Variants in INTS6L observed in about 807,000 individuals in gnomAD.
The protein encoded by INTS6L is integrator complex subunit 6 like.
A neutral mutation model predicts 64.7 loss-of-function variants in INTS6L; 18 were observed. The observed-to-expected ratio is 0.28, with a 90% confidence interval of 0.19 to 0.41. The LOEUF is 0.41. INTS6L is among the 10% of genes least tolerant of loss of function. INTS6L has a pLI of 1.00. For synonymous variants in INTS6L, 227 were observed against 235.9 expected, an observed-to-expected ratio of 0.96 and a Z score of 0.34; for missense variants, 533 against 661.0, an observed-to-expected ratio of 0.81 and a Z score of 2.12.
chrX:135,556,424 T>C, intron 9 of INTS6L, 124 bp downstream of exon 9: 1 of 636,876 alleles, frequency 1.6e-6, no homozygotes, highest in Non-Finnish European at 2.2e-6. Context: ...AGAATTTGCA[T>C]ACTGTTTTCT....
At chrX:135,569,512 T>G in intron 10 of INTS6L, 81 bp downstream of exon 10, 1 of 566,979 alleles carries the variant, frequency 1.8e-6, no homozygotes, top group Non-Finnish European at 2.6e-6. Flanking sequence ...CAAAAGCTTT[T>G]ACTGTTGCAA....
At chrX:135,577,837 G>A (rs2087270676) in intron 15 of INTS6L, among the ~76,000 whole-genome samples, 1 of 111,816 alleles carries the variant, frequency 8.9e-6, no homozygotes, top group Admixed American at 9.4e-5. Context: ...GACTGGATCT[G>A]CACTTGCTCT....
At chrX:135,533,748 C>T (rs1042971339) in intron 2 of INTS6L, among the ~76,000 whole-genome samples, 1 of 112,161 alleles carries the variant, frequency 8.9e-6, no homozygotes, top group Non-Finnish European at 1.9e-5. Context: ...AGTCTCACTC[C>T]TGTCCATGTA....
chrX:135,538,613 G>A (rs1271164169), intron 2 of INTS6L, among the ~76,000 whole-genome samples: 1 of 112,434 alleles, frequency 8.9e-6, no homozygotes, highest in Non-Finnish European at 1.9e-5. Context: ...ATCATTCCCA[G>A]AAGGTTTTCA....
chrX:135,532,234 T>A (rs1476352701), intron 2 of INTS6L, among the ~76,000 whole-genome samples: 4 of 112,146 alleles, frequency 3.6e-5, no homozygotes, highest in Non-Finnish European at 7.5e-5. Context: ...ATCTAGCCTT[T>A]AATATAGCCA....
At chrX:135,522,749 C>T (rs1191137642) in intron 2 of INTS6L, among the ~76,000 whole-genome samples, 1 of 111,951 alleles carries the variant, frequency 8.9e-6, no homozygotes, top group Non-Finnish European at 1.9e-5. Flanking sequence ...CTCGTAGCTT[C>T]GGTTAACTGT....
chrX:135,539,617 G>C (rs1458779381), intron 2 of INTS6L, among the ~76,000 whole-genome samples: 1 of 112,405 alleles, frequency 8.9e-6, no homozygotes, highest in East Asian at 2.8e-4. Context: ...ACTGGTGCAA[G>C]AGGCCTAGCT....
Position 135,521,030 on chromosome X carries a change from C to G in INTS6L, c.38C>G (p.Ser13Cys). 8.3e-7 allele frequency: 1 copy of G among 1,211,569 alleles called. No homozygotes were observed. The highest frequency in any genetic ancestry group is 1.8e-5 in the South Asian group (1 of 56,980). Residue 13 changes from serine to cysteine, a missense_variant, in exon 1 of 18, where the codon TCT becomes TGT. Transcript: ENST00000639893. ...ILLFLIDTSA[S>C]MNQRTDLGTS... Reference sequence around the variant, plus strand: ...CTGTTCCTCATAGACACGTCCGCCTCTATGAACCAGCGCACTGACCTGGGC... The same window carrying G: ...CTGTTCCTCATAGACACGTCCGCCTGTATGAACCAGCGCACTGACCTGGGC...
intron 2 of INTS6L, among the ~76,000 whole-genome samples, chrX:135,534,416 A>G (rs781925074): frequency 4.5e-5 from 5 of 110,451 alleles, no homozygotes; most frequent in Non-Finnish European, 9.5e-5. Context: ...GGGGGAGGTC[A>G]ATTTCTTAAT....
intron 7 of INTS6L, among the ~76,000 whole-genome samples, chrX:135,550,140 C>T (rs1448377289): frequency 3.6e-5 from 4 of 112,333 alleles, no homozygotes; most frequent in Admixed American, 1.9e-4. Flanking sequence ...GCAAACACAA[C>T]GTCTAAAATG....
intron 10 of INTS6L, chrX:135,570,133 G>T (rs1349080025): frequency 1.2e-5 from 2 of 171,169 alleles, no homozygotes; most frequent in Non-Finnish European, 2.2e-5. Flanking sequence ...CAGTAATGGG[G>T]CAAACAATAA....
In INTS6L at chrX:135,573,032, A is replaced by G. The variant is rs1456433208; in HGVS notation, c.1616A>G (p.Lys539Arg). ...GGCTTCCAAATTGGGCTCTTAAACA[A>G]GGTAAATTGTGACATAAATAGTTTG... ...FAGFQIGLLNKDLKPQTYRNA... is the reference protein window; with the variant it reads ...FAGFQIGLLNRDLKPQTYRNA... Residue 539 changes from lysine to arginine, a missense_variant and splice_region_variant, in exon 12 of 18, where the codon AAG (lysine) becomes AGG (arginine). Coordinates refer to ENST00000639893, the MANE Select transcript of INTS6L (RefSeq NM_001351601.3). The G allele has an allele frequency of 8.4e-7, 1 of 1,189,261 alleles. No individual in the cohort carries two copies. The highest frequency in any genetic ancestry group is 1.8e-5 in the African/African-American group (1 of 56,698).
At chrX:135,530,390 C>A (rs903148314) in intron 2 of INTS6L, among the ~76,000 whole-genome samples, 3 of 111,367 alleles carry the variant, frequency 2.7e-5, no homozygotes, top group African/African-American at 9.8e-5. Context: ...AACTGGTGGC[C>A]TAGGCTGAGG....
chrX:135,545,645 T>G, intron 3 of INTS6L, 73 bp downstream of exon 3: 1 of 1,012,754 alleles, frequency 9.9e-7, no homozygotes. Flanking sequence ...TTGGGCATGA[T>G]TACTAAGTTT....
intron 2 of INTS6L, among the ~76,000 whole-genome samples, chrX:135,530,010 CCA>C (rs2085861969): frequency 8.9e-6 from 1 of 111,826 alleles, no homozygotes; most frequent in Non-Finnish European, 1.9e-5. Context: ...CAGTGATTAA[CCA>C]CTTCACTTCT....
intron 14 of INTS6L, 108 bp from the exon 15 acceptor site, chrX:135,577,085 C>T (rs2087249921): frequency 5.6e-6 from 4 of 708,584 alleles, no homozygotes; most frequent in South Asian, 2.8e-5. Flanking sequence ...AAGACATATT[C>T]GTGATATAAT....
At chrX:135,573,560 C>A (rs2087144261) in intron 12 of INTS6L, among the ~76,000 whole-genome samples, 1 of 112,757 alleles carries the variant, frequency 8.9e-6, no homozygotes, top group African/African-American at 3.2e-5. Flanking sequence ...AGGCTCTCTG[C>A]TAACTGCACT....
chrX:135,555,386 A>G (rs1159846943), intron 8 of INTS6L, among the ~76,000 whole-genome samples: 1 of 112,020 alleles, frequency 8.9e-6, no homozygotes, highest in African/African-American at 3.2e-5. Flanking sequence ...TAATAGTACA[A>G]TGAAGATGGT....
At chrX:135,525,754 T>C (rs1161832034) in intron 2 of INTS6L, among the ~76,000 whole-genome samples, 7 of 112,501 alleles carry the variant, frequency 6.2e-5, no homozygotes, top group Non-Finnish European at 1.3e-4. Flanking sequence ...GAGCCTTTCA[T>C]TGTGGTTAAG....
Sources: gnomAD v4.1 joint callset for allele counts (sites outside exome capture counted in the v4.1 genomes callset) on GRCh38, gnomAD v4.1.1 for gene constraint, MANE v1.5 for transcripts, NCBI Gene and HGNC (gene_info 2026-07-23, HGNC 2026-07-21) for gene names.